STPG2: variants seen among roughly 807,000 people sequenced by gnomAD.
The protein encoded by STPG2 is sperm-tail PG-rich repeat-containing protein 2.
In STPG2, 56 loss-of-function variants were observed where a neutral mutation model predicts 54.2. The observed-to-expected ratio is 1.03, with a 90% CI of 0.83 to 1.29. The LOEUF (loss-of-function observed/expected upper bound fraction) is 1.29. Among genes scored for constraint, STPG2 ranks in the 50% most tolerant of loss-of-function variants. The probability of loss-of-function intolerance (pLI) is 0.00; values close to 1 mark genes in which losing one functional copy is unlikely to be tolerated. For missense variants in STPG2, 596 were observed against 544.9 expected (o/e 1.09, Z -0.93); for synonymous variants, 200 against 181.8 (o/e 1.10, Z -0.81).
intron 5 of STPG2, among the ~76,000 whole-genome samples, chr4:98,009,637 A>C (rs1382130743): frequency 1.5e-5 from 2 of 131,550 alleles, no homozygotes; most frequent in African/African-American, 5.8e-5. Flanking sequence ...TCCTTACTGA[A>C]TTTCTGACTG....
intron 8 of STPG2, among the ~76,000 whole-genome samples, chr4:97,880,382 C>A (rs1730326228): frequency 6.6e-6 from 1 of 151,944 alleles, no homozygotes; most frequent in South Asian, 2.1e-4. Context: ...GCAAGTATGC[C>A]CAAATAGAAA....
At chr4:97,911,887 G>T (rs888199037) in intron 8 of STPG2, among the ~76,000 whole-genome samples, 8 of 152,038 alleles carry the variant, frequency 5.3e-5, no homozygotes, top group African/African-American at 1.9e-4. Flanking sequence ...TCCCGACTGG[G>T]TGACCTCCAA....
intron 8 of STPG2, among the ~76,000 whole-genome samples, chr4:97,890,483 T>A (rs1057380945): frequency 2.4e-4 from 37 of 151,794 alleles, no homozygotes; most frequent in African/African-American, 8.9e-4. Context: ...AATTATTATT[T>A]AAAAATCCAA....
chr4:97,569,858 C>G (rs1382933779), intron 10 of STPG2, among the ~76,000 whole-genome samples: 5 of 151,966 alleles, frequency 3.3e-5, no homozygotes. Flanking sequence ...GATATCTATA[C>G]AGTGGAGAAA....
chr4:97,721,162 A>G (rs1724436677), intron 9 of STPG2, among the ~76,000 whole-genome samples: 1 of 152,130 alleles, frequency 6.6e-6, no homozygotes. Flanking sequence ...AGATGAAAAC[A>G]GCATTTTTTG....
At chr4:97,616,504 T>G (rs1441633380) in intron 10 of STPG2, among the ~76,000 whole-genome samples, 1 of 151,984 alleles carries the variant, frequency 6.6e-6, no homozygotes, top group Non-Finnish European at 1.5e-5. Flanking sequence ...GGCTTTAGAG[T>G]TTCATTTTCA....
chr4:97,516,867 G>A (rs1323131673), intron 4 of STPG2, among the ~76,000 whole-genome samples: 1 of 143,280 alleles, frequency 7.0e-6, no homozygotes, highest in African/African-American at 2.6e-5. Flanking sequence ...TATATATATG[G>A]TCTGGCCCTG....
At chr4:97,703,483 A>G (rs1032239559) in intron 10 of STPG2, among the ~76,000 whole-genome samples, 12 of 141,722 alleles carry the variant, frequency 8.5e-5, no homozygotes, top group South Asian at 6.3e-4. Context: ...AGTATATAGT[A>G]TATATATAGT....
chr4:97,852,583 A>T (rs1252373507), intron 8 of STPG2, among the ~76,000 whole-genome samples: 2 of 152,162 alleles, frequency 1.3e-5, no homozygotes, highest in Non-Finnish European at 2.9e-5. Context: ...TAGTAAGGGT[A>T]ATGGTGGGCA....
intron 4 of STPG2, among the ~76,000 whole-genome samples, chr4:97,552,406 G>A (rs1447885472): frequency 2.0e-5 from 3 of 152,044 alleles, no homozygotes; most frequent in East Asian, 1.9e-4. Flanking sequence ...GAAATTTATG[G>A]GACAGTAAGT....
At chr4:97,813,324 C>T (rs147102839) in intron 9 of STPG2, among the ~76,000 whole-genome samples, 105 of 152,186 alleles carry the variant, frequency 6.9e-4, no homozygotes, top group Admixed American at 1.8e-3. Flanking sequence ...GTGCAACAAG[C>T]TTCAACAATA....
intron 9 of STPG2, among the ~76,000 whole-genome samples, chr4:97,834,620 G>GA (rs1039669021): frequency 1.3e-5 from 2 of 151,958 alleles, no homozygotes; most frequent in Non-Finnish European, 2.9e-5. Flanking sequence ...ACTGGAGAGA[G>GA]AAAAAAATAT....
At chr4:97,965,979 C>T (rs1040400837) in intron 7 of STPG2, among the ~76,000 whole-genome samples, 1 of 152,152 alleles carries the variant, frequency 6.6e-6, no homozygotes, top group African/African-American at 2.4e-5. Flanking sequence ...GATTGCAGAT[C>T]CTCAACAGCA....
intron 9 of STPG2, among the ~76,000 whole-genome samples, chr4:97,805,231 G>A (rs1189456343): frequency 2.0e-5 from 3 of 151,930 alleles, no homozygotes; most frequent in Non-Finnish European, 4.4e-5. Context: ...TTTTGAGATG[G>A]AGTCTCACTA....
At chr4:97,893,625 AACTT>A (rs1010647301) in intron 8 of STPG2, among the ~76,000 whole-genome samples, 2 of 152,076 alleles carry the variant, frequency 1.3e-5, no homozygotes, top group African/African-American at 4.8e-5. Flanking sequence ...AGAGTAAAAA[AACTT>A]ACTGCTGTCA....
chr4:97,742,561 G>T (rs79036846), intron 9 of STPG2, among the ~76,000 whole-genome samples: 1 of 125,526 alleles, frequency 8.0e-6, no homozygotes, highest in Non-Finnish European at 1.7e-5. Flanking sequence ...GTGTGTGTGT[G>T]TGTGTCTATA....
At chr4:97,697,716 C>T (rs1723625676) in intron 10 of STPG2, among the ~76,000 whole-genome samples, 1 of 152,236 alleles carries the variant, frequency 6.6e-6, no homozygotes, top group East Asian at 1.9e-4. Context: ...GGCTATGACA[C>T]CCATGCTGAA....
intron 10 of STPG2, among the ~76,000 whole-genome samples, chr4:97,647,822 CCAGT>C (rs1357303427): frequency 6.6e-5 from 10 of 152,220 alleles, no homozygotes; most frequent in Admixed American, 3.9e-4. Flanking sequence ...TGTGAATGGG[CCAGT>C]CAAAGAGCTA....
chr4:98,053,536 C>CA (rs60476128), intron 5 of STPG2, among the ~76,000 whole-genome samples: 42 of 56,044 alleles, frequency 7.5e-4, no homozygotes, highest in Middle Eastern at 0.012. Flanking sequence ...AAGCAAATAA[C>CA]AAAAAAAAAA....
Sources: allele counts gnomAD v4.1 joint callset (sites outside exome capture counted in the v4.1 genomes callset), GRCh38; gene constraint gnomAD v4.1.1; transcripts MANE v1.5; gene names NCBI Gene and HGNC (gene_info 2026-07-23, HGNC 2026-07-21).